ZBTB16: variants seen among roughly 807,000 people sequenced by gnomAD.
The protein encoded by ZBTB16 is zinc finger and BTB domain-containing protein 16.
Under a neutral mutation model 56.8 loss-of-function variants are expected in ZBTB16, and 8 were observed. The observed-to-expected ratio is 0.14, with a 90% CI of 0.08 to 0.25. The LOEUF is 0.25. Ranked by LOEUF, ZBTB16 falls within the 10% of genes least tolerant of loss-of-function variation. The probability of loss-of-function intolerance (pLI) is 1.00; values close to 1 mark genes in which losing one functional copy is unlikely to be tolerated. For synonymous variants in ZBTB16, 363 were observed against 368.5 expected, an observed-to-expected ratio of 0.98 and a Z score of 0.17; for missense variants, 625 against 903.0, an observed-to-expected ratio of 0.69 and a Z score of 3.95.
chr11:114,165,790 G>C (rs1390631732), intron 3 of ZBTB16, among the ~76,000 whole-genome samples: 1 of 152,122 alleles, frequency 6.6e-6, no homozygotes, highest in East Asian at 1.9e-4. Context: ...CTACTTAGTG[G>C]GGTGGCTCAG....
chr11:114,219,015 CGT>C (rs149925140), intron 4 of ZBTB16, among the ~76,000 whole-genome samples: 4 of 151,286 alleles, frequency 2.6e-5, no homozygotes, highest in South Asian at 2.1e-4. Context: ...AAGTGAGAGC[CGT>C]GTGTGTGTGT....
chr11:114,156,317 T>C lies in ZBTB16; in HGVS notation c.1269-20T>C, dbSNP rs1471828243. 6.2e-7 allele frequency: 1 copy of C among 1,613,816 alleles called. No homozygotes were observed. The highest frequency in any genetic ancestry group is 1.7e-5 in the Admixed American group (1 of 60,022). ...GTCCAGCCAGAGCAGCAGCAACCTCTCTTTTCCTTTCCCTTACAGGAAGCT... is the reference window on the plus strand; with the variant it reads ...GTCCAGCCAGAGCAGCAGCAACCTCCCTTTTCCTTTCCCTTACAGGAAGCT... On this transcript the variant is annotated intron_variant, in intron 2 of 6. Transcript: ENST00000335953.
chr11:114,178,759 G>A (rs1266133144), intron 3 of ZBTB16, among the ~76,000 whole-genome samples: 1 of 152,168 alleles, frequency 6.6e-6, no homozygotes, highest in African/African-American at 2.4e-5. Context: ...ACATTTATTA[G>A]GTAGGATAAG....
chr11:114,130,465 G>A (rs1941630718), intron 2 of ZBTB16, among the ~76,000 whole-genome samples: 1 of 152,226 alleles, frequency 6.6e-6, no homozygotes, highest in Non-Finnish European at 1.5e-5. Context: ...GGGCATGACT[G>A]TGTATAATTC....
intron 4 of ZBTB16, among the ~76,000 whole-genome samples, chr11:114,202,905 G>T (rs1214176445): frequency 6.6e-6 from 1 of 152,124 alleles, no homozygotes; most frequent in East Asian, 1.9e-4. Flanking sequence ...TTTAATGTGG[G>T]AGAGAGACAA....
chr11:114,153,529 G>A (rs969490505), intron 2 of ZBTB16, among the ~76,000 whole-genome samples: 1 of 152,212 alleles, frequency 6.6e-6, no homozygotes, highest in African/African-American at 2.4e-5. Flanking sequence ...CAGGCTGGTG[G>A]TAACTTCTGG....
rs143108928 is a variant in ZBTB16 at position 114,251,279 on chromosome 11, C to T, written c.*724C>T. 5.1e-3 allele frequency among the ~76,000 whole-genome samples: 777 copies of T among 152,244 alleles called. 7 individuals carry two copies. The highest frequency in any genetic ancestry group is 0.016 in the African/African-American group (655 of 41,518). ...CCCCTCAGGGACCTGGCGGTGTCTC[C>T]ATCCTTCTCCGGTTCCCTAGTGGGA... On this transcript the variant is annotated 3_prime_UTR_variant, in exon 7 of 7. Coordinates refer to ENST00000335953, the MANE Select transcript of ZBTB16 (RefSeq NM_006006.6).
At chr11:114,200,306 A>G (rs1448815783) in intron 4 of ZBTB16, among the ~76,000 whole-genome samples, 1 of 152,188 alleles carries the variant, frequency 6.6e-6, no homozygotes, top group African/African-American at 2.4e-5. Context: ...TAGCTTATTC[A>G]GTAACAGTGT....
chr11:114,148,425 C>CTCTCTCTG (rs1942183635), intron 2 of ZBTB16, among the ~76,000 whole-genome samples: 1 of 16,976 alleles, frequency 5.9e-5, no homozygotes, highest in Non-Finnish European at 1.3e-4. Context: ...CCCTCCCTCC[C>CTCTCTCTG]TCTCTCTCTC....
intron 5 of ZBTB16, among the ~76,000 whole-genome samples, chr11:114,244,760 G>A (rs371097840): frequency 1.1e-4 from 17 of 151,800 alleles, no homozygotes; most frequent in Non-Finnish European, 2.4e-4. Context: ...CCTAAAAATC[G>A]GATCAAACAA....
chr11:114,189,329 G>A (rs779105166), intron 4 of ZBTB16: 14 of 152,188 alleles, frequency 9.2e-5, no homozygotes, highest in Non-Finnish European at 1.5e-4. Context: ...TGAAAAAGAT[G>A]CTCAACTGCA....
chr11:114,095,249 T>TCTTTTCTTTTCTTTC (rs56992106), intron 2 of ZBTB16, among the ~76,000 whole-genome samples: 29 of 101,250 alleles, frequency 2.9e-4, no homozygotes, highest in Non-Finnish European at 3.6e-4. Context: ...TCTTTTCTTT[T>TCTTTTCTTTTCTTTC]TTTTTTTTTT....
chr11:114,198,761 C>T (rs1943663265), intron 4 of ZBTB16, among the ~76,000 whole-genome samples: 1 of 152,176 alleles, frequency 6.6e-6, no homozygotes, highest in Non-Finnish European at 1.5e-5. Flanking sequence ...TCATTGTCAC[C>T]CAGGGCCCAC....
At chr11:114,114,952 G>A (rs1015986767) in intron 2 of ZBTB16, among the ~76,000 whole-genome samples, 5 of 152,100 alleles carry the variant, frequency 3.3e-5, no homozygotes, top group African/African-American at 9.7e-5. Flanking sequence ...CAAAGTGCTG[G>A]GATTACAGGT....
intron 2 of ZBTB16, among the ~76,000 whole-genome samples, chr11:114,107,981 T>A (rs1940857431): frequency 6.6e-6 from 1 of 152,028 alleles, no homozygotes; most frequent in African/African-American, 2.4e-5. Context: ...TCCTCCCACC[T>A]TTATTATGAT....
intron 2 of ZBTB16, among the ~76,000 whole-genome samples, chr11:114,123,433 G>A (rs1280982742): frequency 6.6e-6 from 1 of 152,138 alleles, no homozygotes; most frequent in Non-Finnish European, 1.5e-5. Flanking sequence ...CACTTGGGGT[G>A]AATAGTCCTG....
At position 114,254,899 on chromosome 11, in the gene ZBTB16, G is replaced by C. The variant is rs1944975229; in HGVS notation, c.*4344G>C. On this transcript the variant is annotated 3_prime_UTR_variant, in exon 7 of 7. Transcript: ENST00000335953. ...CCAGAGAGGTTGGGTCAGGGGAAAA[G>C]GGTGGGGAGAAAGAGGGGTGCAGGC... Among the ~76,000 whole-genome samples, 1 of 152,206 alleles carries C rather than the reference G, an allele frequency of 6.6e-6. No homozygotes were observed. Among genetic ancestry groups the C allele is most frequent in the African/African-American group, 2.4e-5 (1 of 41,444 alleles).
intron 4 of ZBTB16, among the ~76,000 whole-genome samples, chr11:114,225,093 T>A (rs1944303051): frequency 1.3e-5 from 2 of 151,280 alleles, no homozygotes; most frequent in South Asian, 4.2e-4. Flanking sequence ...GGCAGGGGAG[T>A]TCAGGAATTG....
At chr11:114,102,556 G>A (rs1383781970) in intron 2 of ZBTB16, among the ~76,000 whole-genome samples, 4 of 47,332 alleles carry the variant, frequency 8.5e-5, no homozygotes, top group African/African-American at 1.6e-4. Context: ...CCCACCCCCC[G>A]GCTGCCCCTG....
Sources: gnomAD v4.1 joint callset for allele counts (sites outside exome capture counted in the v4.1 genomes callset) on GRCh38, gnomAD v4.1.1 for gene constraint, MANE v1.5 for transcripts, NCBI Gene and HGNC (gene_info 2026-07-23, HGNC 2026-07-21) for gene names.